The following RGS21 variants were observed in gnomAD, a reference collection of about 807,000 sequenced individuals.
RGS21 encodes the protein regulator of G protein signaling 21.
Under a neutral mutation model 18.7 loss-of-function variants are expected in RGS21, and 19 were observed. The ratio of observed to expected loss-of-function variants is 1.01; its 90% CI spans 0.71 to 1.49. The LOEUF (loss-of-function observed/expected upper bound fraction) is 1.49. RGS21 is among the 40% of genes most tolerant of loss of function. The pLI is 0.00. For synonymous variants in RGS21, 56 were observed against 57.8 expected (o/e 0.97, Z 0.14); for missense variants, 194 against 176.8 (o/e 1.10, Z -0.55).
Position 192,366,242 on chromosome 1 carries a change from A to G in RGS21, c.*118A>G, listed in dbSNP as rs1252972675. 6.0e-6 allele frequency: 4 copies of G among 668,852 alleles called. No individual in the cohort carries two copies. The African/African-American group carries it at 7.3e-5, about 12-fold the overall frequency. 41.4% of individuals were successfully genotyped at this position (668,852 alleles called of 1,614,324 possible). A position where few individuals can be genotyped will look rare whatever the true frequency, so the allele number is the denominator to read the frequency against. ...TTTAGAAAACATTTTTTACCCAAAC[A>G]GATGAATAACGTTTTATACAACAAG... On this transcript the variant is annotated 3_prime_UTR_variant, in exon 5 of 5. Coordinates refer to ENST00000417209, the MANE Select transcript of RGS21 (RefSeq NM_001039152.3).
intron 1 of RGS21, among the ~76,000 whole-genome samples, chr1:192,328,125 G>A (rs779522223): frequency 2.7e-4 from 41 of 152,138 alleles, no homozygotes; most frequent in Non-Finnish European, 5.6e-4. Flanking sequence ...GGCATACAGG[G>A]CCGCGTGCAT....
rs1462510680 is a variant in RGS21 at position 192,366,529 on chromosome 1, CA to C, written c.*409del. ...TTTTGTAAAAAGAGAATTTCTGAACCAAAATACAAGCTTTCATTTAATATAT... is the reference window on the plus strand; with the variant it reads ...TTTTGTAAAAAGAGAATTTCTGAACCAAATACAAGCTTTCATTTAATATAT... On this transcript the variant is annotated 3_prime_UTR_variant, in exon 5 of 5. Coordinates refer to ENST00000417209, the MANE Select transcript of RGS21 (RefSeq NM_001039152.3). 1 of 152,874 alleles carries C rather than the reference CA, an allele frequency of 6.5e-6. No homozygotes were observed. The highest frequency in any genetic ancestry group is 2.4e-5 in the African/African-American group (1 of 41,420). The allele number at this position is 152,874 out of a possible 1,614,324, so 9.5% of individuals were successfully genotyped here. A position where few individuals can be genotyped will look rare whatever the true frequency, so the allele number is the denominator to read the frequency against.
At chr1:192,345,380 T>C (rs761286197) in intron 2 of RGS21, among the ~76,000 whole-genome samples, 8 of 152,106 alleles carry the variant, frequency 5.3e-5, no homozygotes, top group Non-Finnish European at 1.2e-4. Flanking sequence ...GCTACACTTT[T>C]CAATACTTTT....
chr1:192,342,864 T>A lies in RGS21; in HGVS notation c.-60-113T>A, dbSNP rs1236085034. On this transcript the variant is annotated intron_variant, in intron 1 of 4. Coordinates refer to ENST00000417209, the MANE Select transcript of RGS21 (RefSeq NM_001039152.3). ...AGTGTTTTGACCAATGAAAAGTTAA[T>A]AACAAAAATAAAAAAGCTGAGAATA... 1.6e-5 allele frequency: 9 copies of A among 573,232 alleles called. No homozygotes were observed. The East Asian group carries it at 2.5e-4, about 16-fold the overall frequency. 35.5% of individuals were successfully genotyped at this position (573,232 alleles called of 1,614,324 possible). A position where few individuals can be genotyped will look rare whatever the true frequency, so the allele number is the denominator to read the frequency against.
chr1:192,337,587 C>T (rs942091719), intron 1 of RGS21, among the ~76,000 whole-genome samples: 5 of 152,124 alleles, frequency 3.3e-5, no homozygotes, highest in Middle Eastern at 3.4e-3. Flanking sequence ...AATAGTTTAA[C>T]GGATGCTGTG....
At chr1:192,359,785 T>C (rs1402426208) in intron 4 of RGS21, among the ~76,000 whole-genome samples, 1 of 148,996 alleles carries the variant, frequency 6.7e-6, no homozygotes, top group African/African-American at 2.5e-5. Context: ...TCTCTCTCTA[T>C]ATATATATAT....
intron 1 of RGS21, among the ~76,000 whole-genome samples, chr1:192,325,757 G>A (rs1658560796): frequency 6.6e-6 from 1 of 152,088 alleles, no homozygotes; most frequent in African/African-American, 2.4e-5. Flanking sequence ...CTTTTGAGCA[G>A]TCTCTGTTCA....
intron 1 of RGS21, among the ~76,000 whole-genome samples, chr1:192,333,088 T>C (rs1183771817): frequency 6.6e-6 from 1 of 151,990 alleles, no homozygotes; most frequent in Non-Finnish European, 1.5e-5. Context: ...CACGAGCTGT[T>C]AGGGAATTAA....
At chr1:192,348,081 A>G (rs1466275549) in intron 3 of RGS21, among the ~76,000 whole-genome samples, 2 of 147,340 alleles carry the variant, frequency 1.4e-5, no homozygotes, top group Non-Finnish European at 3.0e-5. Context: ...TGTAGAGTGT[A>G]GTGGTGTGAT....
chr1:192,331,991 G>A (rs888153510), intron 1 of RGS21, among the ~76,000 whole-genome samples: 13 of 151,838 alleles, frequency 8.6e-5, no homozygotes, highest in African/African-American at 3.1e-4. Context: ...ATACAACAGG[G>A]AAAATGAAGT....
At chr1:192,333,628 CAAAAAAAAAAAAA>C (rs376989840) in intron 1 of RGS21, among the ~76,000 whole-genome samples, 23 of 102,410 alleles carry the variant, frequency 2.2e-4, no homozygotes, top group South Asian at 6.8e-4. Flanking sequence ...CTCAAAATGA[CAAAAAAAAAAAAA>C]AAAAAAAAAA....
chr1:192,365,781 A>C, intron 4 of RGS21, 140 bp from the exon 5 acceptor site: 1 of 547,344 alleles, frequency 1.8e-6, no homozygotes, highest in Non-Finnish European at 3.2e-6. Context: ...TCTGCATTCT[A>C]GAAAATGAAT....
At chr1:192,331,944 C>T (rs1658664015) in intron 1 of RGS21, among the ~76,000 whole-genome samples, 1 of 151,670 alleles carries the variant, frequency 6.6e-6, no homozygotes, top group African/African-American at 2.4e-5. Flanking sequence ...AAAAGAAATC[C>T]TTTTTAATTT....
At chr1:192,354,656 G>C (rs1208398044) in intron 4 of RGS21, among the ~76,000 whole-genome samples, 1 of 151,498 alleles carries the variant, frequency 6.6e-6, no homozygotes, top group African/African-American at 2.4e-5. Context: ...TTTATATGAG[G>C]ATATTCTCAG....
rs186729941 is a variant in RGS21, at chr1:192,341,265, G to C, written c.-60-1712G>C. On this transcript the variant is annotated intron_variant, in intron 1 of 4. Transcript: ENST00000417209. ...CCCCCAGGATAATCTAGGATAATCA[G>C]CTTCTCTTTTGTCACATAAAGTAAT... 7.2e-5 allele frequency among the ~76,000 whole-genome samples: 11 copies of C among 152,058 alleles called. No individual in the cohort carries two copies. In the East Asian group the frequency reaches 2.1e-3, roughly 29 times the overall value.
At chr1:192,357,681 T>C (rs1480446998) in intron 4 of RGS21, among the ~76,000 whole-genome samples, 2 of 151,886 alleles carry the variant, frequency 1.3e-5, no homozygotes, top group Non-Finnish European at 2.9e-5. Flanking sequence ...TACCACTAAT[T>C]TGAAGTGTTT....
At chr1:192,333,276 A>G (rs1658687523) in intron 1 of RGS21, among the ~76,000 whole-genome samples, 2 of 149,876 alleles carry the variant, frequency 1.3e-5, no homozygotes, top group Non-Finnish European at 3.0e-5. Context: ...AAATACACAC[A>G]CACACACACA....
intron 4 of RGS21, among the ~76,000 whole-genome samples, chr1:192,364,166 C>T (rs879418938): frequency 6.6e-6 from 1 of 152,066 alleles, no homozygotes; most frequent in Non-Finnish European, 1.5e-5. Context: ...CAAGTGTTTC[C>T]ACTGCCCTGC....
intron 1 of RGS21, among the ~76,000 whole-genome samples, chr1:192,333,604 A>G (rs1487964530): frequency 7.6e-6 from 1 of 131,034 alleles, no homozygotes; most frequent in Admixed American, 9.3e-5. Context: ...GTATGATCGT[A>G]TTTTTATAAT....
Sources: gnomAD v4.1 joint callset for allele counts (sites outside exome capture counted in the v4.1 genomes callset) on GRCh38, gnomAD v4.1.1 for gene constraint, MANE v1.5 for transcripts, NCBI Gene and HGNC (gene_info 2026-07-23, HGNC 2026-07-21) for gene names.